Variants in SUFU observed in about 807,000 individuals in gnomAD.
SUFU encodes the protein SUFU negative regulator of hedgehog signaling, also known as suppressor of fused homolog.
In SUFU, 7 loss-of-function variants were observed where a neutral mutation model predicts 58.9. That is an observed-to-expected ratio of 0.12 (90% CI 0.07 to 0.22). The LOEUF (loss-of-function observed/expected upper bound fraction) is 0.22, where lower values mean the gene tolerates loss of function less well. SUFU is among the 10% of genes least tolerant of loss of function. The probability of loss-of-function intolerance (pLI) is 1.00; values close to 1 mark genes in which losing one functional copy is unlikely to be tolerated. For missense variants in SUFU, 451 were observed against 641.3 expected (o/e 0.70, Z 3.20); for synonymous variants, 232 against 254.8 (o/e 0.91, Z 0.85).
chr10:102,512,813 C>G (rs1045276326), intron 2 of SUFU, among the ~76,000 whole-genome samples: 5 of 152,144 alleles, frequency 3.3e-5, no homozygotes, highest in African/African-American at 4.8e-5. Flanking sequence ...GCCTATAGTC[C>G]TAGCACTTTG....
chr10:102,557,923 C>T (rs1177787144), intron 3 of SUFU, among the ~76,000 whole-genome samples: 2 of 150,750 alleles, frequency 1.3e-5, no homozygotes, highest in Non-Finnish European at 3.0e-5. Flanking sequence ...TTTTTTGAGA[C>T]GGAGTCTTGT....
chr10:102,535,526 A>C (rs2062728389), intron 2 of SUFU, among the ~76,000 whole-genome samples: 1 of 151,718 alleles, frequency 6.6e-6, no homozygotes, highest in Non-Finnish European at 1.5e-5. Context: ...AAAAAGAAAG[A>C]AATAAGAGCT....
At position 102,560,911 on chromosome 10, in the gene SUFU, C is replaced by T. The variant is rs573102571; in HGVS notation, c.454+10805C>T. Among the ~76,000 whole-genome samples the T allele has an allele frequency of 2.9e-3, 447 of 152,162 alleles. 4 individuals carry two copies. The highest frequency in any genetic ancestry group is 0.01 in the African/African-American group (430 of 41,508). Reference sequence around the variant, plus strand: ...GGAGTGCAATGGCGCGATCTCGGCTCACCGCATCCTCCGCCTCCCAGGTTC... The same window carrying T: ...GGAGTGCAATGGCGCGATCTCGGCTTACCGCATCCTCCGCCTCCCAGGTTC... On this transcript the variant is annotated intron_variant, in intron 3 of 11. Transcript: ENST00000369902.
chr10:102,524,299 C>T (rs1205008274), intron 2 of SUFU, among the ~76,000 whole-genome samples: 1 of 151,508 alleles, frequency 6.6e-6, no homozygotes, highest in Non-Finnish European at 1.5e-5. Flanking sequence ...GCCACCGCAC[C>T]CAGCCTAATT....
intron 2 of SUFU, among the ~76,000 whole-genome samples, chr10:102,542,772 G>A (rs892881268): frequency 6.6e-6 from 1 of 151,862 alleles, no homozygotes; most frequent in East Asian, 1.9e-4. Flanking sequence ...CTACAGGCAC[G>A]TGCCACCATG....
At chr10:102,551,892 T>A (rs1232578534) in intron 3 of SUFU, among the ~76,000 whole-genome samples, 4 of 150,966 alleles carry the variant, frequency 2.6e-5, no homozygotes, top group African/African-American at 7.3e-5. Context: ...GCCTGGCTAA[T>A]TTTTTGTATA....
Position 102,600,864 on chromosome 10 carries a change from C to T in SUFU, c.1022+1320C>T, listed in dbSNP as rs529968129. Among the ~76,000 whole-genome samples the T allele has an allele frequency of 7.2e-5, 11 of 152,282 alleles. No individual in the cohort carries two copies. In the South Asian group the frequency reaches 8.3e-4, roughly 11 times the overall value. ...GCCACCTCAGAGCAGCTTTTAACTC[C>T]GGCCTGTAGGTTTCTCCAGCCAGCT... On this transcript the variant is annotated intron_variant, in intron 8 of 11. Coordinates refer to ENST00000369902, the MANE Select transcript of SUFU (RefSeq NM_016169.4).
intron 3 of SUFU, among the ~76,000 whole-genome samples, chr10:102,564,750 T>C (rs1325185465): frequency 6.6e-6 from 1 of 152,230 alleles, no homozygotes; most frequent in African/African-American, 2.4e-5. Flanking sequence ...TCTTTTTAAT[T>C]TTCCTGACAT....
At chr10:102,507,961 ATTTTT>A (rs3061832) in intron 1 of SUFU, among the ~76,000 whole-genome samples, 1 of 116,578 alleles carries the variant, frequency 8.6e-6, no homozygotes. Flanking sequence ...TTTCTTATCC[ATTTTT>A]TTTTTTTTTT....
intron 10 of SUFU, among the ~76,000 whole-genome samples, chr10:102,626,577 G>A (rs1458978186): frequency 2.0e-5 from 3 of 152,158 alleles, no homozygotes; most frequent in African/African-American, 7.2e-5. Context: ...CTGGGAGGAT[G>A]TGGCTACTGT....
chr10:102,511,138 G>GTAA lies in SUFU; in HGVS notation c.317+1855_317+1857dup, dbSNP rs55690435. ...CTCCATCTCAAAAAAAAAAAAAAAA[G>GTAA]TAATAATAATAATAATAATAATGAA... On this transcript the variant is annotated intron_variant, in intron 2 of 11. Coordinates refer to ENST00000369902, the MANE Select transcript of SUFU (RefSeq NM_016169.4). Among the ~76,000 whole-genome samples, 1,321 of 143,858 alleles carry GTAA rather than the reference G, an allele frequency of 9.2e-3. 21 individuals carry two copies. The highest frequency in any genetic ancestry group is 0.031 in the African/African-American group (1,229 of 39,138). 94.4% of individuals were successfully genotyped at this position (143,858 alleles called of 152,430 possible). A position where few individuals can be genotyped will look rare whatever the true frequency, so the allele number is the denominator to read the frequency against.
intron 3 of SUFU, 92 bp from the exon 4 acceptor site, chr10:102,592,490 G>A (rs1590061677): frequency 6.7e-7 from 1 of 1,500,084 alleles, no homozygotes; most frequent in Non-Finnish European, 9.2e-7. Context: ...AGGCTGGGAA[G>A]CCTCCCAGCC....
intron 2 of SUFU, among the ~76,000 whole-genome samples, chr10:102,537,970 C>T (rs566762718): frequency 1.3e-5 from 2 of 152,266 alleles, no homozygotes; most frequent in South Asian, 2.1e-4. Context: ...TTTGAGGAAC[C>T]GCCATACTGT....
rs71474507 is a variant in SUFU at position 102,580,029 on chromosome 10, A to ACCCCCCCCCCC, written c.455-12543_455-12542insCCCCCCCCCCC. Among the ~76,000 whole-genome samples, 38 of 84,680 alleles carry ACCCCCCCCCCC rather than the reference A, an allele frequency of 4.5e-4. 3 individuals carry two copies. Among genetic ancestry groups the ACCCCCCCCCCC allele is most frequent in the South Asian group, 8.0e-4 (2 of 2,502 alleles). The allele number at this position is 84,680 out of a possible 152,430, so 55.6% of individuals were successfully genotyped here. A position where few individuals can be genotyped will look rare whatever the true frequency, so the allele number is the denominator to read the frequency against. On this transcript the variant is annotated intron_variant, in intron 3 of 11. Coordinates refer to ENST00000369902, the MANE Select transcript of SUFU (RefSeq NM_016169.4). The stretch of plus-strand genomic sequence containing the variant: ...ATCTGTTTTGGGTCTCCTCCCCCGC[A>ACCCCCCCCCCC]CCCCCCCCCCGCCCCCAGTTTGTTT...
intron 3 of SUFU, among the ~76,000 whole-genome samples, chr10:102,586,444 C>T (rs540975873): frequency 1.2e-3 from 180 of 151,888 alleles, no homozygotes; most frequent in Non-Finnish European, 1.1e-3. Flanking sequence ...GAGGCCGAGG[C>T]GGGTGGATCA....
chr10:102,566,077 G>C (rs975630498), intron 3 of SUFU, among the ~76,000 whole-genome samples: 1 of 152,196 alleles, frequency 6.6e-6, no homozygotes, highest in East Asian at 1.9e-4. Flanking sequence ...ATCTCTGCAG[G>C]AGGTAAAGCA....
intron 2 of SUFU, among the ~76,000 whole-genome samples, chr10:102,531,654 GT>G (rs2062679036): frequency 7.5e-3 from 1 of 134 alleles, no homozygotes; most frequent in Admixed American, 0.1. Flanking sequence ...CTTGGTCAGG[GT>G]CCCAAATAAG....
intron 4 of SUFU, 58 bp from the exon 5 acceptor site, chr10:102,593,578 C>A: frequency 1.3e-6 from 2 of 1,578,020 alleles, no homozygotes; most frequent in Non-Finnish European, 1.7e-6. Context: ...GGTAGCTGAC[C>A]TTCTTGGGGT....
At chr10:102,582,963 G>A (rs575571250) in intron 3 of SUFU, among the ~76,000 whole-genome samples, 1 of 152,324 alleles carries the variant, frequency 6.6e-6, no homozygotes, top group South Asian at 2.1e-4. Flanking sequence ...GCAAGAGAGA[G>A]GAAGCCAGCT....
Sources: gnomAD v4.1 joint callset for allele counts (sites outside exome capture counted in the v4.1 genomes callset) on GRCh38, gnomAD v4.1.1 for gene constraint, MANE v1.5 for transcripts, NCBI Gene and HGNC (gene_info 2026-07-23, HGNC 2026-07-21) for gene names.